Variants in ROBO2 observed in about 807,000 individuals in gnomAD.
The protein encoded by ROBO2 is roundabout homolog 2.
In ROBO2, 53 loss-of-function variants were observed where a neutral mutation model predicts 160.8. The observed-to-expected ratio is 0.33, with a 90% CI of 0.26 to 0.41. ROBO2 has a LOEUF of 0.41. Among genes scored for constraint, ROBO2 ranks in the 10% least tolerant of loss-of-function variants. The pLI is 1.00. For missense variants in ROBO2, 1,577 were observed against 1,722.4 expected (o/e 0.92, Z 1.49); for synonymous variants, 664 against 611.7 (o/e 1.09, Z -1.26).
At chr3:75,933,799 C>G (rs1377272112) in intron 1 of ROBO2, among the ~76,000 whole-genome samples, 2 of 152,190 alleles carry the variant, frequency 1.3e-5, no homozygotes, top group Non-Finnish European at 2.9e-5. Context: ...AGATAGAAGC[C>G]AGAGATGCTC....
intron 2 of ROBO2, among the ~76,000 whole-genome samples, chr3:76,960,441 A>G (rs2079566702): frequency 6.8e-6 from 1 of 146,930 alleles, no homozygotes; most frequent in Admixed American, 6.7e-5. Flanking sequence ...ATGTGCATAT[A>G]TCTGTATCTA....
intron 2 of ROBO2, among the ~76,000 whole-genome samples, chr3:77,437,681 G>A (rs1264328922): frequency 6.6e-6 from 1 of 151,984 alleles, no homozygotes; most frequent in Non-Finnish European, 1.5e-5. Flanking sequence ...AGATAAGTGA[G>A]AGAATTTGAC....
chr3:77,279,203 G>A (rs1426050899), intron 2 of ROBO2, among the ~76,000 whole-genome samples: 10 of 151,688 alleles, frequency 6.6e-5, no homozygotes, highest in South Asian at 2.1e-4. Flanking sequence ...TTTTTTAAAC[G>A]CCTAAATTTT....
In ROBO2 at chr3:76,777,548, T is replaced by C. The variant is rs1014643662; in HGVS notation, c.110-320466T>C. Among the ~76,000 whole-genome samples, 4 of 151,258 alleles carry C rather than the reference T, an allele frequency of 2.6e-5. No homozygotes were observed. The South Asian group carries it at 8.3e-4, about 31-fold the overall frequency. Reference sequence around the variant, plus strand: ...GAGCGAAGCATAAAACAAAATGTTTTTTCTTTCTTTTTTTTTTTAACAAAA... The same window carrying C: ...GAGCGAAGCATAAAACAAAATGTTTCTTCTTTCTTTTTTTTTTTAACAAAA... On this transcript the variant is annotated intron_variant, in intron 2 of 26. Coordinates refer to the ROBO2 transcript ENST00000487694.
intron 2 of ROBO2, among the ~76,000 whole-genome samples, chr3:76,774,156 A>G (rs1175162474): frequency 1.3e-5 from 2 of 150,966 alleles, no homozygotes; most frequent in African/African-American, 4.8e-5. Flanking sequence ...ACCTTCATCC[A>G]ATGAGTATGT....
At chr3:76,693,185 T>G (rs764826795) in intron 2 of ROBO2, among the ~76,000 whole-genome samples, 1 of 149,782 alleles carries the variant, frequency 6.7e-6, no homozygotes, top group East Asian at 2.0e-4. Context: ...TGTATCTATA[T>G]ATAGTGTATA....
intron 2 of ROBO2, among the ~76,000 whole-genome samples, chr3:76,037,516 A>C (rs966534215): frequency 6.6e-6 from 1 of 151,842 alleles, no homozygotes; most frequent in East Asian, 1.9e-4. Context: ...CGGACTCCCA[A>C]AGTGCTGGGA....
intron 2 of ROBO2, among the ~76,000 whole-genome samples, chr3:77,309,295 T>A (rs919116418): frequency 6.6e-6 from 1 of 152,204 alleles, no homozygotes; most frequent in African/African-American, 2.4e-5. Flanking sequence ...TTTATGTGCT[T>A]AATTATCCAT....
chr3:76,703,579 G>A (rs931906446), intron 2 of ROBO2, among the ~76,000 whole-genome samples: 4 of 151,418 alleles, frequency 2.6e-5, no homozygotes, highest in African/African-American at 9.7e-5. Context: ...TGTTCTCATT[G>A]TTCAGCTCCC....
intron 2 of ROBO2, among the ~76,000 whole-genome samples, chr3:76,908,819 C>T (rs2075783909): frequency 6.6e-6 from 1 of 152,156 alleles, no homozygotes; most frequent in Non-Finnish European, 1.5e-5. Flanking sequence ...AGAATTATAA[C>T]TTTCAAAGTA....
intron 1 of ROBO2, among the ~76,000 whole-genome samples, chr3:77,059,679 T>A (rs72904024): frequency 0.029 from 4,378 of 152,242 alleles, 74 homozygotes; most frequent in African/African-American, 0.048. Context: ...CAATTTTTTT[T>A]AATTGTCTCC....
At chr3:76,130,225 T>C (rs556913283) in intron 2 of ROBO2, among the ~76,000 whole-genome samples, 1 of 152,228 alleles carries the variant, frequency 6.6e-6, no homozygotes, top group Admixed American at 6.5e-5. Context: ...AATCCCATGC[T>C]AGAAACTTTT....
chr3:76,343,271 T>G (rs2074336394), intron 2 of ROBO2, among the ~76,000 whole-genome samples: 2 of 152,120 alleles, frequency 1.3e-5, no homozygotes, highest in South Asian at 2.1e-4. Context: ...ACCTATATAC[T>G]GTGTTGTAAG....
intron 2 of ROBO2, among the ~76,000 whole-genome samples, chr3:76,104,401 G>A (rs1302458468): frequency 6.6e-6 from 1 of 152,144 alleles, no homozygotes; most frequent in Non-Finnish European, 1.5e-5. Flanking sequence ...GGAAAGAAGA[G>A]GGTGGTAGAT....
chr3:77,006,540 A>G (rs2061590596), intron 2 of ROBO2, among the ~76,000 whole-genome samples: 1 of 152,100 alleles, frequency 6.6e-6, no homozygotes, highest in Non-Finnish European at 1.5e-5. Context: ...TGGGAAAAAA[A>G]GAAACAGAGA....
At chr3:76,383,299 T>C (rs1284069805) in intron 2 of ROBO2, among the ~76,000 whole-genome samples, 1 of 152,154 alleles carries the variant, frequency 6.6e-6, no homozygotes, top group East Asian at 1.9e-4. Flanking sequence ...AACTATGCAA[T>C]GGATGAATAG....
chr3:77,464,684 A>AT (rs5850332), intron 2 of ROBO2, among the ~76,000 whole-genome samples: 112,243 of 151,450 alleles, frequency 0.74, 41,711 homozygotes, highest in East Asian at 0.82. Flanking sequence ...AATGTTGAAG[A>AT]TTTTTTTTTA....
chr3:76,414,606 G>A (rs2075662988), intron 2 of ROBO2, among the ~76,000 whole-genome samples: 1 of 131,954 alleles, frequency 7.6e-6, no homozygotes, highest in Non-Finnish European at 1.6e-5. Flanking sequence ...TCACACTCTG[G>A]GGACTGTGGT....
intron 2 of ROBO2, among the ~76,000 whole-genome samples, chr3:77,236,018 A>C (rs2087921051): frequency 6.6e-6 from 1 of 152,248 alleles, no homozygotes; most frequent in East Asian, 1.9e-4. Flanking sequence ...TTCTGAGCCA[A>C]ATATGAGTGA....
Sources: gnomAD v4.1 joint callset for allele counts (sites outside exome capture counted in the v4.1 genomes callset) on GRCh38, gnomAD v4.1.1 for gene constraint, MANE v1.5 for transcripts, NCBI Gene and HGNC (gene_info 2026-07-23, HGNC 2026-07-21) for gene names.